RORA: variants seen among roughly 807,000 people sequenced by gnomAD.
RORA encodes nuclear receptor ROR-alpha.
RORA carries 7 observed loss-of-function variants against 69.5 expected under a neutral mutation model. The ratio of observed to expected loss-of-function variants is 0.10; its 90% CI spans 0.06 to 0.19. The LOEUF is 0.19. Among genes scored for constraint, RORA ranks in the 10% least tolerant of loss-of-function variants. The probability of loss-of-function intolerance (pLI) is 1.00; values close to 1 mark genes in which losing one functional copy is unlikely to be tolerated. For missense variants in RORA, 457 were observed against 663.0 expected, an observed-to-expected ratio of 0.69 and a Z score of 3.41; for synonymous variants, 261 against 240.8, an observed-to-expected ratio of 1.08 and a Z score of -0.78.
At chr15:61,180,781 A>G (rs894401019) in intron 1 of RORA, among the ~76,000 whole-genome samples, 1 of 152,218 alleles carries the variant, frequency 6.6e-6, no homozygotes, top group African/African-American at 2.4e-5. Context: ...CACACTGCCA[A>G]ACATGGCAGA....
At chr15:60,841,069 C>T in intron 1 of RORA, 1 of 984,728 alleles carries the variant, frequency 1.0e-6, no homozygotes, top group Non-Finnish European at 1.2e-6. Context: ...AGCGTACTTA[C>T]CAAATGTTGA....
intron 1 of RORA, among the ~76,000 whole-genome samples, chr15:60,762,366 G>A (rs538681880): frequency 2.0e-4 from 31 of 152,316 alleles, no homozygotes; most frequent in African/African-American, 7.5e-4. Context: ...AAAGCAGCCA[G>A]ACACGAAGGT....
chr15:60,744,598 C>T (rs1002960584), intron 1 of RORA, among the ~76,000 whole-genome samples: 10 of 152,272 alleles, frequency 6.6e-5, no homozygotes, highest in African/African-American at 2.4e-4. Flanking sequence ...AAGAATGGTG[C>T]TATGTGCCTG....
Position 60,492,827 on chromosome 15 carries a change from C to G in RORA, c.*4628G>C, listed in dbSNP as rs866389616. The G allele has an allele frequency of 1.1e-4, 17 of 152,238 alleles. No individual in the cohort carries two copies. Among genetic ancestry groups the G allele is most frequent in the South Asian group, 6.2e-4 (3 of 4,828 alleles). The allele number at this position is 152,238 out of a possible 1,614,324, so 9.4% of individuals were successfully genotyped here. A position where few individuals can be genotyped will look rare whatever the true frequency, so the allele number is the denominator to read the frequency against. ...ACTGACGAGCACATCAAGTTCTAAA[C>G]TCAACAAAATGAGACGAGAGTAAAG... On this transcript the variant is annotated 3_prime_UTR_variant, in exon 11 of 11. Coordinates refer to ENST00000335670, the MANE Select transcript of RORA (RefSeq NM_134261.3).
chr15:61,002,137 G>T (rs777986039), intron 1 of RORA, among the ~76,000 whole-genome samples: 7 of 152,214 alleles, frequency 4.6e-5, no homozygotes, highest in Non-Finnish European at 8.8e-5. Flanking sequence ...ATGTCCACAT[G>T]ACATTAGTAC....
intron 1 of RORA, among the ~76,000 whole-genome samples, chr15:60,977,047 G>C (rs1003723927): frequency 6.7e-6 from 1 of 149,458 alleles, no homozygotes; most frequent in Non-Finnish European, 1.5e-5. Context: ...GCTGAAAAGC[G>C]TCTTGTTTGG....
At chr15:61,114,593 T>A (rs531163979) in intron 1 of RORA, among the ~76,000 whole-genome samples, 6 of 152,372 alleles carry the variant, frequency 3.9e-5, no homozygotes, top group African/African-American at 1.4e-4. Context: ...TCTGCAAGTA[T>A]TTGGAGTCAG....
intron 1 of RORA, among the ~76,000 whole-genome samples, chr15:60,750,987 G>A (rs568843734): frequency 6.6e-6 from 1 of 152,308 alleles, no homozygotes; most frequent in South Asian, 2.1e-4. Flanking sequence ...TCCACTGTGA[G>A]GACTTGGCTG....
intron 1 of RORA, among the ~76,000 whole-genome samples, chr15:60,870,203 A>G (rs1401331501): frequency 4.6e-5 from 7 of 152,224 alleles, no homozygotes; most frequent in Admixed American, 1.3e-4. Context: ...AGAGTTATTG[A>G]ACTGCTGGTA....
chr15:60,792,713 C>A (rs181447726), intron 1 of RORA, among the ~76,000 whole-genome samples: 95 of 152,184 alleles, frequency 6.2e-4, no homozygotes, highest in Admixed American at 4.9e-3. Context: ...AAAATAAAGT[C>A]CTTTTTGGAT....
chr15:60,781,174 G>A (rs2072247630), intron 1 of RORA, among the ~76,000 whole-genome samples: 1 of 152,132 alleles, frequency 6.6e-6, no homozygotes, highest in African/African-American at 2.4e-5. Flanking sequence ...GTCGTGCTAG[G>A]GTGGAGTGGG....
chr15:60,627,543 C>T (rs1386051391), intron 2 of RORA: 2 of 1,381,320 alleles, frequency 1.4e-6, no homozygotes, highest in Non-Finnish European at 1.9e-6. Context: ...CTGCCATGGG[C>T]AGTGGAATCC....
chr15:60,745,563 CAG>C (rs1368465282), intron 1 of RORA, among the ~76,000 whole-genome samples: 1 of 152,088 alleles, frequency 6.6e-6, no homozygotes, highest in Non-Finnish European at 1.5e-5. Context: ...TCGGCATGGC[CAG>C]AGAGGCCAGG....
Position 60,897,830 on chromosome 15 carries a change from C to T in RORA, c.167-219144G>A, listed in dbSNP as rs575258377. Among the ~76,000 whole-genome samples, 4 of 152,348 alleles carry T rather than the reference C, an allele frequency of 2.6e-5. No homozygotes were observed. The South Asian group carries it at 8.3e-4, about 32-fold the overall frequency. On this transcript the variant is annotated intron_variant, in intron 1 of 10. Transcript: ENST00000335670. The stretch of plus-strand genomic sequence containing the variant: ...GCCATGATCAGTCTATTTTGAGCTT[C>T]CTGTTAAGCACCAAAGTGATGGAAT...
chr15:60,903,505 G>T (rs1193447553), intron 1 of RORA, among the ~76,000 whole-genome samples: 1 of 152,180 alleles, frequency 6.6e-6, no homozygotes, highest in Admixed American at 6.5e-5. Context: ...GTTTGCATCA[G>T]GCCTCCTCAG....
At chr15:60,592,367 G>A in intron 2 of RORA, 1 of 1,404,792 alleles carries the variant, frequency 7.1e-7, no homozygotes, top group South Asian at 1.5e-5. Context: ...ACCCGGCCCC[G>A]GCGGGGCGCC....
intron 1 of RORA, among the ~76,000 whole-genome samples, chr15:60,719,541 A>C (rs2071266247): frequency 6.6e-6 from 1 of 152,212 alleles, no homozygotes; most frequent in East Asian, 1.9e-4. Flanking sequence ...AATGCAGAGA[A>C]TAGGTGCAAA....
At chr15:61,136,495 G>T (rs1278742578) in intron 1 of RORA, among the ~76,000 whole-genome samples, 2 of 152,096 alleles carry the variant, frequency 1.3e-5, no homozygotes, top group Non-Finnish European at 2.9e-5. Context: ...CTTTTAAAGG[G>T]TAGTTACTAT....
chr15:61,207,641 T>A (rs1010162151), intron 1 of RORA, among the ~76,000 whole-genome samples: 2 of 152,254 alleles, frequency 1.3e-5, no homozygotes, highest in African/African-American at 2.4e-5. Context: ...GTCTTCGTGA[T>A]TCCGAGCTGA....
Sources: gnomAD v4.1 joint callset for allele counts (sites outside exome capture counted in the v4.1 genomes callset) on GRCh38, gnomAD v4.1.1 for gene constraint, MANE v1.5 for transcripts, NCBI Gene and HGNC (gene_info 2026-07-23, HGNC 2026-07-21) for gene names.